The following HRH1 variants were observed in gnomAD, a reference collection of about 807,000 sequenced individuals.
HRH1 encodes the protein histamine receptor H1.
In HRH1, 6 loss-of-function variants were observed where a neutral mutation model predicts 10.3. The ratio of observed to expected loss-of-function variants is 0.58; its 90% CI spans 0.32 to 1.15. The LOEUF (loss-of-function observed/expected upper bound fraction) is 1.15. Among genes scored for constraint, HRH1 ranks in the 50% most tolerant of loss-of-function variants. The probability of loss-of-function intolerance (pLI) is 0.05; values close to 1 mark genes in which losing one functional copy is unlikely to be tolerated. For synonymous variants in HRH1, 242 were observed against 236.7 expected (o/e 1.02, Z -0.21); for missense variants, 514 against 615.3 (o/e 0.84, Z 1.74).
At chr3:11,212,218 G>T (rs1206347799) in intron 1 of HRH1, among the ~76,000 whole-genome samples, 1 of 152,170 alleles carries the variant, frequency 6.6e-6, no homozygotes, top group African/African-American at 2.4e-5. Context: ...CTGCTGTGAG[G>T]CAGTGTATGT....
chr3:11,207,441 C>T (rs1938175066), intron 1 of HRH1, among the ~76,000 whole-genome samples: 3 of 151,930 alleles, frequency 2.0e-5, no homozygotes. Context: ...GTGGTGGCGG[C>T]GCCTGTAGTC....
At chr3:11,217,268 AC>A (rs976709954) in intron 1 of HRH1, among the ~76,000 whole-genome samples, 6 of 150,778 alleles carry the variant, frequency 4.0e-5, no homozygotes, top group Admixed American at 4.0e-4. Flanking sequence ...AGTGGCTCAC[AC>A]CTGTAATCCC....
chr3:11,259,586 C>G lies in HRH1; in HGVS notation c.549C>G (p.Asp183Glu). 6.2e-7 allele frequency: 1 copy of G among 1,614,132 alleles called. No homozygotes were observed. Among genetic ancestry groups the G allele is most frequent in the African/African-American group, 1.3e-5 (1 of 75,026 alleles). ...SVRREDKCET[D>E]FYDVTWFKVM... ...GCCGAGAGGACAAGTGTGAGACAGA[C>G]TTCTATGATGTCACCTGGTTCAAGG... is the stretch of plus-strand genomic sequence containing the variant. Residue 183 changes from aspartate to glutamate, a missense_variant, in exon 2 of 2, where the codon GAC becomes GAG. Coordinates refer to ENST00000431010, the MANE Select transcript of HRH1 (RefSeq NM_001098212.2). This position sits in a 1 kb window ranked among gnomAD's most constrained non-coding sequence, Gnocchi z 4.6.
chr3:11,173,025 C>T (rs1352873503), intron 1 of HRH1, among the ~76,000 whole-genome samples: 1 of 152,160 alleles, frequency 6.6e-6, no homozygotes. Context: ...TAGGAGCAAA[C>T]TAGAGCAGTG....
rs1296999302 is a variant in HRH1, at chr3:11,262,328, G to A, written c.*1827G>A. The A allele has an allele frequency of 6.0e-6, 1 of 167,006 alleles. No individual in the cohort carries two copies. Among genetic ancestry groups the A allele is most frequent in the Admixed American group, 6.5e-5 (1 of 15,280 alleles). The allele number at this position is 167,006 out of a possible 1,614,324, so 10.3% of individuals were successfully genotyped here. A position where few individuals can be genotyped will look rare whatever the true frequency, so the allele number is the denominator to read the frequency against. On this transcript the variant is annotated 3_prime_UTR_variant, in exon 2 of 2. Transcript: ENST00000431010. ...GATTTATTTATTTCTACCTTTCTGA[G>A]TCTCTTGGACTAAGAAGATGTTTTG... is the stretch of plus-strand genomic sequence containing the variant.
At position 11,260,425 on chromosome 3, in the gene HRH1, T is replaced by A; in HGVS notation, c.1388T>A (p.Leu463Gln). The A allele has an allele frequency of 6.2e-7, 1 of 1,613,946 alleles. No homozygotes were observed. The highest frequency in any genetic ancestry group is 8.5e-7 in the Non-Finnish European group (1 of 1,179,882). Residue 463 changes from leucine (L) to glutamine (Q), a missense_variant, in exon 2 of 2, where the codon CTG (leucine) becomes CAG (glutamine). Leu to Gln is a moderately radical substitution (Grantham distance 113). Transcript: ENST00000431010. ...TGGCTGGGCTACATCAACTCCACAC[T>A]GAACCCCCTCATCTACCCCTTGTGC... is the stretch of plus-strand genomic sequence containing the variant. ...TIWLGYINST[L>Q]NPLIYPLCNE...
At chr3:11,215,117 A>T (rs1938445065) in intron 1 of HRH1, among the ~76,000 whole-genome samples, 1 of 152,230 alleles carries the variant, frequency 6.6e-6, no homozygotes, top group African/African-American at 2.4e-5. Context: ...TCTAGGTGAT[A>T]ACTCAGAAAG....
intron 1 of HRH1, among the ~76,000 whole-genome samples, chr3:11,171,489 A>G (rs903254088): frequency 6.6e-6 from 1 of 152,134 alleles, no homozygotes; most frequent in Non-Finnish European, 1.5e-5. Context: ...TGCTGCACCA[A>G]TGTGACTCAG....
At chr3:11,194,611 C>T (rs898545920) in intron 1 of HRH1, among the ~76,000 whole-genome samples, 4 of 152,126 alleles carry the variant, frequency 2.6e-5, no homozygotes, top group Non-Finnish European at 5.9e-5. Context: ...GTCAGGAGTT[C>T]GAGACCACCC....
chr3:11,241,626 G>A (rs755896870), intron 1 of HRH1, among the ~76,000 whole-genome samples: 13 of 152,072 alleles, frequency 8.5e-5, no homozygotes, highest in African/African-American at 2.9e-4. Flanking sequence ...GAGGTCAGGA[G>A]ATCGAAACCA....
intron 1 of HRH1, among the ~76,000 whole-genome samples, chr3:11,192,782 A>C (rs1330313369): frequency 6.6e-6 from 1 of 152,126 alleles, no homozygotes; most frequent in Non-Finnish European, 1.5e-5. Flanking sequence ...TCATCTAAGC[A>C]GATAAGATGG....
chr3:11,204,902 C>T (rs557850774), intron 1 of HRH1, among the ~76,000 whole-genome samples: 37 of 152,176 alleles, frequency 2.4e-4, no homozygotes, highest in Non-Finnish European at 4.9e-4. Context: ...TTCCCAGATG[C>T]GAGGTTTCCT....
At chr3:11,189,900 A>T (rs1937511044) in intron 1 of HRH1, among the ~76,000 whole-genome samples, 1 of 152,164 alleles carries the variant, frequency 6.6e-6, no homozygotes, top group Admixed American at 6.5e-5. Context: ...CAGCAAGCTG[A>T]GATCATGCCG....
At chr3:11,177,734 G>C (rs1289873473) in intron 1 of HRH1, among the ~76,000 whole-genome samples, 1 of 152,212 alleles carries the variant, frequency 6.6e-6, no homozygotes, top group East Asian at 1.9e-4. Context: ...ATTAATCAAT[G>C]CAGAATGAAT....
intron 1 of HRH1, among the ~76,000 whole-genome samples, chr3:11,188,732 C>T (rs347627): frequency 0.69 from 105,035 of 152,114 alleles, 36,970 homozygotes; most frequent in East Asian, 0.81. Context: ...TTAAAAGTCA[C>T]GTTCTTGAAA....
chr3:11,235,413 C>T (rs1939154245), intron 1 of HRH1, among the ~76,000 whole-genome samples: 1 of 152,156 alleles, frequency 6.6e-6, no homozygotes, highest in African/African-American at 2.4e-5. Context: ...TCATTACTTC[C>T]AGGTGGAGGT....
chr3:11,161,878 T>C (rs1293645828), intron 1 of HRH1, among the ~76,000 whole-genome samples: 2 of 152,048 alleles, frequency 1.3e-5, no homozygotes, highest in Non-Finnish European at 2.9e-5. Flanking sequence ...TAGGGGGCGG[T>C]GGGAAGGGCC....
intron 1 of HRH1, among the ~76,000 whole-genome samples, chr3:11,181,513 A>G (rs970759446): frequency 7.6e-6 from 1 of 131,336 alleles, no homozygotes; most frequent in African/African-American, 3.8e-5. Context: ...AGGAAGTACT[A>G]TCTCATTGTG....
intron 1 of HRH1, among the ~76,000 whole-genome samples, chr3:11,172,704 C>CTTTTTTTTTTTTT (rs537415650): frequency 4.6e-5 from 6 of 130,894 alleles, no homozygotes; most frequent in South Asian, 2.5e-4. Flanking sequence ...TTTGGCGAAT[C>CTTTTTTTTTTTTT]TTTTTTTTTT....
Sources: allele counts gnomAD v4.1 joint callset (sites outside exome capture counted in the v4.1 genomes callset), GRCh38; gene constraint gnomAD v4.1.1; non-coding constraint Gnocchi (gnomAD v3.1); transcripts MANE v1.5; gene names NCBI Gene and HGNC (gene_info 2026-07-23, HGNC 2026-07-21).